Variants in RNF207 observed in about 807,000 individuals in gnomAD.
The protein encoded by RNF207 is OTTHUMG00000001089.
Under a neutral mutation model 79.0 loss-of-function variants are expected in RNF207, and 72 were observed. That is an observed-to-expected ratio of 0.91 (90% CI 0.75 to 1.11). The LOEUF (loss-of-function observed/expected upper bound fraction) is 1.11. Among genes scored for constraint, RNF207 ranks in the 50% least tolerant of loss-of-function variants. RNF207 has a pLI of 0.00. For missense variants in RNF207, 936 were observed against 855.8 expected, an observed-to-expected ratio of 1.09 and a Z score of -1.17; for synonymous variants, 348 against 366.2, an observed-to-expected ratio of 0.95 and a Z score of 0.57.
In RNF207 at chr1:6,211,985, G is replaced by A; in HGVS notation, c.1228G>A (p.Val410Met). 2 of 1,586,214 alleles carry A rather than the reference G, an allele frequency of 1.3e-6. No homozygotes were observed. Among genetic ancestry groups the A allele is most frequent in the Non-Finnish European group, 1.7e-6 (2 of 1,167,074 alleles). The change falls in exon 13 of 18, where the codon GTG (valine) becomes ATG (methionine). Residue 410 changes from valine to methionine, a missense_variant. Transcript: ENST00000377939. This position sits in a 1 kb window ranked among gnomAD's most constrained non-coding sequence, Gnocchi z 4.2. ...PTLHRSISTK[V>M]LLAEGENTPF... ...GCTGCACCGGTCCATCAGCACCAAG[G>A]TGCTGCTGGCGGAGGGCGAGAACAC...
chr1:6,207,945 G>C lies in RNF207; in HGVS notation c.324+434G>C, dbSNP rs756208203. On this transcript the variant is annotated intron_variant, in intron 3 of 17. Transcript: ENST00000377939. The surrounding 1 kb of genome is among the most constrained non-coding windows in gnomAD (Gnocchi z 4.5). Reference sequence around the variant, plus strand: ...TAAAAGGCACAGGGGACTCTGGCCTGCGGAGGCCAGAAAATGTATCGGGAA... The same window carrying C: ...TAAAAGGCACAGGGGACTCTGGCCTCCGGAGGCCAGAAAATGTATCGGGAA... 4.2e-5 allele frequency: 14 copies of C among 335,746 alleles called. No homozygotes were observed. Among genetic ancestry groups the C allele is most frequent in the Non-Finnish European group, 7.8e-5 (13 of 167,612 alleles). 20.8% of individuals were successfully genotyped at this position (335,746 alleles called of 1,614,324 possible).
intron 2 of RNF207, 62 bp downstream of exon 2, chr1:6,206,788 C>A: frequency 7.0e-7 from 1 of 1,434,832 alleles, no homozygotes; most frequent in Non-Finnish European, 9.5e-7. Context: ...AAGGTTGGCT[C>A]TGCCCGAGCT....
chr1:6,213,430 A>G (rs1473792404), intron 16 of RNF207, among the ~76,000 whole-genome samples: 2 of 151,468 alleles, frequency 1.3e-5, no homozygotes, highest in Non-Finnish European at 2.9e-5. Context: ...CTGAGGCACG[A>G]CAATCTACAG....
chr1:6,215,502 CTT>C (rs1039837101), intron 16 of RNF207, among the ~76,000 whole-genome samples: 2 of 152,088 alleles, frequency 1.3e-5, no homozygotes, highest in African/African-American at 4.8e-5. Context: ...TTTCTGCTAT[CTT>C]GTTTTGCATG....
chr1:6,209,656 T>C, intron 7 of RNF207, 117 bp downstream of exon 7: 2 of 1,256,766 alleles, frequency 1.6e-6, no homozygotes, highest in Non-Finnish European at 2.1e-6. Context: ...ACCAAGCACT[T>C]TCCTGGAGTT....
At chr1:6,218,214 T>G (rs1052931763) in intron 16 of RNF207, 75 bp from the exon 17 acceptor site, 1 of 976,558 alleles carries the variant, frequency 1.0e-6, no homozygotes, top group Non-Finnish European at 1.6e-6. Context: ...AGTCTGGTTC[T>G]GAGGTTTCTG....
chr1:6,218,081 T>A (rs1480240111), intron 16 of RNF207, among the ~76,000 whole-genome samples: 3 of 152,246 alleles, frequency 2.0e-5, no homozygotes, highest in Non-Finnish European at 2.9e-5. Flanking sequence ...GCAGCTTCCA[T>A]GATGGCAGGG....
In RNF207 at chr1:6,209,340, G is replaced by A. The variant is rs1328308738; in HGVS notation, c.624G>A (p.Val208=). ...VQGCERLEQA[V]LAVKALQTAT... is the part of the protein sequence containing the mutation. ...GCTGCGAGCGGCTGGAGCAGGCGGT[G>A]CTGGTGAGCGCAGGGGCCTGGCGCG... The change falls in exon 6 of 18, where the codon GTG becomes GTA. Residue 208 remains valine, a synonymous_variant. Coordinates refer to ENST00000377939, the MANE Select transcript of RNF207 (RefSeq NM_207396.3). The A allele has an allele frequency of 6.5e-7, 1 of 1,543,504 alleles. No individual in the cohort carries two copies. The highest frequency in any genetic ancestry group is 8.7e-7 in the Non-Finnish European group (1 of 1,146,180).
In RNF207 at chr1:6,207,948, G is replaced by A; in HGVS notation, c.324+437G>A. The A allele has an allele frequency of 3.0e-6, 1 of 335,446 alleles. No individual in the cohort carries two copies. The highest frequency in any genetic ancestry group is 2.5e-5 in the South Asian group (1 of 40,388). The allele number at this position is 335,446 out of a possible 1,614,324, so 20.8% of individuals were successfully genotyped here. A position where few individuals can be genotyped will look rare whatever the true frequency, so the allele number is the denominator to read the frequency against. On this transcript the variant is annotated intron_variant, in intron 3 of 17. Transcript: ENST00000377939. This position sits in a 1 kb window ranked among gnomAD's most constrained non-coding sequence, Gnocchi z 4.5. ...AAGGCACAGGGGACTCTGGCCTGCG[G>A]AGGCCAGAAAATGTATCGGGAATCC...
rs1668384758 is a variant in RNF207, at chr1:6,217,026, T to C, written c.1653-1263T>C. Among the ~76,000 whole-genome samples the C allele has an allele frequency of 6.6e-6, 1 of 152,062 alleles. No homozygotes were observed. The highest frequency in any genetic ancestry group is 2.1e-4 in the South Asian group (1 of 4,824). ...CTGTGACTACAGGCATGTGCCACCATGCCCGGCTAATTTTTATAGTTTTGG... is the reference window on the plus strand; with the variant it reads ...CTGTGACTACAGGCATGTGCCACCACGCCCGGCTAATTTTTATAGTTTTGG... On this transcript the variant is annotated intron_variant, in intron 16 of 17. Coordinates refer to ENST00000377939, the MANE Select transcript of RNF207 (RefSeq NM_207396.3). The surrounding 1 kb of genome is among the most constrained non-coding windows in gnomAD (Gnocchi z 4.2).
chr1:6,206,584 G>C lies in RNF207; in HGVS notation c.49G>C (p.Ala17Pro). The C allele has an allele frequency of 6.2e-7, 1 of 1,602,964 alleles. No homozygotes were observed. The highest frequency in any genetic ancestry group is 1.8e-4 in the Middle Eastern group (1 of 5,494). The part of the protein sequence containing the change: ...GPLEGPSSLD[A>P]PSIHPLVCPL... Reference sequence around the variant, plus strand: ...CCTGGAGGGCCCGAGCTCCCTGGATGCCCCGAGCATCCACCCGCTGGTGTG... The same window carrying C: ...CCTGGAGGGCCCGAGCTCCCTGGATCCCCCGAGCATCCACCCGCTGGTGTG... The change falls in exon 2 of 18, where the codon GCC becomes CCC. Residue 17 changes from alanine (A) to proline (P), a missense_variant. By Grantham distance (27) the Ala-to-Pro change is conservative (BLOSUM62 -1). Transcript: ENST00000377939.
chr1:6,207,898 G>T lies in RNF207; in HGVS notation c.324+387G>T. On this transcript the variant is annotated intron_variant, in intron 3 of 17. Transcript: ENST00000377939. This position sits in a 1 kb window ranked among gnomAD's most constrained non-coding sequence, Gnocchi z 4.5. ...CTACAGCCCAGGGGAGGTGGGGACAGCATGCTGTTCCCTCTGGGCTGTAAA... is the reference window on the plus strand; with the variant it reads ...CTACAGCCCAGGGGAGGTGGGGACATCATGCTGTTCCCTCTGGGCTGTAAA... 1 of 391,010 alleles carries T rather than the reference G, an allele frequency of 2.6e-6. No individual in the cohort carries two copies. Among genetic ancestry groups the T allele is most frequent in the Non-Finnish European group, 5.0e-6 (1 of 199,276 alleles). 24.2% of individuals were successfully genotyped at this position (391,010 alleles called of 1,614,324 possible).
chr1:6,211,036 C>T lies in RNF207; in HGVS notation c.1027C>T (p.Arg343Ter), dbSNP rs201979285. Reference sequence around the variant, plus strand: ...CGCTGCCCAGATTGCCAGTGACCACCGAGCTGAATTCGCGCGCTGTCTGGA... The same window carrying T: ...CGCTGCCCAGATTGCCAGTGACCACTGAGCTGAATTCGCGCGCTGTCTGGA... ...IQSSKIASDH[R>*]AEFARCLEPL... is the part of the protein sequence containing the mutation. Residue 343 changes from arginine (R) to a stop codon, truncating the protein, a stop_gained, in exon 12 of 18, where the codon CGA becomes TGA. Coordinates refer to ENST00000377939, the MANE Select transcript of RNF207 (RefSeq NM_207396.3). LOFTEE classifies it high-confidence loss of function. This position sits in a 1 kb window ranked among gnomAD's most constrained non-coding sequence, Gnocchi z 4.2. 6.8e-6 allele frequency: 11 copies of T among 1,609,368 alleles called. No homozygotes were observed. The highest frequency in any genetic ancestry group is 3.3e-5 in the Admixed American group (2 of 59,742).
chr1:6,217,367 C>T lies in RNF207; in HGVS notation c.1653-922C>T, dbSNP rs988112625. Among the ~76,000 whole-genome samples, 1 of 152,096 alleles carries T rather than the reference C, an allele frequency of 6.6e-6. No individual in the cohort carries two copies. The highest frequency in any genetic ancestry group is 6.6e-5 in the Admixed American group (1 of 15,266). The stretch of plus-strand genomic sequence containing the variant: ...TTGGGCGACCTCATTCAGTCCCTGG[C>T]TTTAAGACCCCATCATGACGCAGAC... On this transcript the variant is annotated intron_variant, in intron 16 of 17. Coordinates refer to ENST00000377939, the MANE Select transcript of RNF207 (RefSeq NM_207396.3). This position sits in a 1 kb window ranked among gnomAD's most constrained non-coding sequence, Gnocchi z 4.2.
chr1:6,210,262 C>T lies in RNF207; in HGVS notation c.840C>T (p.Leu280=), dbSNP rs1373235488. ...AGGACAAGGCCTTCAAGGAGCAGCT[C>T]TCTCACTTGGCCACCTTGCTGCCCA... The part of the protein sequence containing the change: ...EEKDKAFKEQ[L]SHLATLLPTL... The change falls in exon 9 of 18, where the codon CTC becomes CTT. Residue 280 remains leucine, a synonymous_variant. Coordinates refer to ENST00000377939, the MANE Select transcript of RNF207 (RefSeq NM_207396.3). 3 of 1,613,788 alleles carry T rather than the reference C, an allele frequency of 1.9e-6. No homozygotes were observed. Among genetic ancestry groups the T allele is most frequent in the Admixed American group, 3.3e-5 (2 of 59,976 alleles).
intron 4 of RNF207, 21 bp from the exon 5 acceptor site, chr1:6,209,094 C>T (rs1370316609): frequency 1.3e-6 from 2 of 1,549,110 alleles, no homozygotes; most frequent in Non-Finnish European, 1.7e-6. Context: ...GAGCCCTCAC[C>T]ACCGCCCGCC....
chr1:6,210,777 G>A, intron 10 of RNF207, 93 bp from the exon 11 acceptor site: 2 of 1,152,288 alleles, frequency 1.7e-6, no homozygotes, highest in Non-Finnish European at 2.5e-6. Context: ...CAAGTCAAGT[G>A]CCAAAGACAG....
Position 6,206,595 on chromosome 1 carries a change from C to T in RNF207, c.60C>T (p.Ile20=), listed in dbSNP as rs1667911847. 6.2e-7 allele frequency: 1 copy of T among 1,605,130 alleles called. No individual in the cohort carries two copies. Among genetic ancestry groups the T allele is most frequent in the African/African-American group, 1.3e-5 (1 of 74,932 alleles). The change falls in exon 2 of 18, where the codon ATC becomes ATT. Residue 20 remains isoleucine (I), a synonymous_variant. Coordinates refer to ENST00000377939, the MANE Select transcript of RNF207 (RefSeq NM_207396.3). Reference sequence around the variant, plus strand: ...CGAGCTCCCTGGATGCCCCGAGCATCCACCCGCTGGTGTGCCCGCTGTGCC... The same window carrying T: ...CGAGCTCCCTGGATGCCCCGAGCATTCACCCGCTGGTGTGCCCGCTGTGCC... ...EGPSSLDAPS[I]HPLVCPLCHV... is the part of the protein sequence containing the mutation.
Position 6,212,433 on chromosome 1 carries a change from C to G in RNF207, c.1482+17C>G. 1.3e-6 allele frequency: 2 copies of G among 1,594,892 alleles called. No homozygotes were observed. The highest frequency in any genetic ancestry group is 1.7e-6 in the Non-Finnish European group (2 of 1,170,472). Reference sequence around the variant, plus strand: ...TTCCAGGAGGTAGCCCTCCCAAGGACTCTAACTCCAGCCCCACCTGTCAGG... The same window carrying G: ...TTCCAGGAGGTAGCCCTCCCAAGGAGTCTAACTCCAGCCCCACCTGTCAGG... On this transcript the variant is annotated intron_variant, in intron 14 of 17. Coordinates refer to ENST00000377939, the MANE Select transcript of RNF207 (RefSeq NM_207396.3).
Sources: allele counts gnomAD v4.1 joint callset (sites outside exome capture counted in the v4.1 genomes callset), GRCh38; gene constraint gnomAD v4.1.1; non-coding constraint Gnocchi (gnomAD v3.1); transcripts MANE v1.5; gene names NCBI Gene and HGNC (gene_info 2026-07-23, HGNC 2026-07-21).